Variants in GOLM1 observed in about 807,000 individuals in gnomAD.
GOLM1 encodes the protein epididymis luminal protein 46.
A neutral mutation model predicts 50.5 loss-of-function variants in GOLM1; 31 were observed. The observed-to-expected ratio is 0.61, with a 90% CI of 0.46 to 0.83. The LOEUF is 0.83. GOLM1 is among the 40% of genes least tolerant of loss of function. The pLI is 0.00. For missense variants in GOLM1, 491 were observed against 501.3 expected (o/e 0.98, Z 0.20); for synonymous variants, 178 against 192.8 (o/e 0.92, Z 0.64).
At chr9:86,055,848 C>T (rs1833968565) in intron 3 of GOLM1, among the ~76,000 whole-genome samples, 2 of 152,118 alleles carry the variant, frequency 1.3e-5, no homozygotes, top group Admixed American at 1.3e-4. Context: ...GAATTAATTT[C>T]TAGAGATCTG....
At chr9:86,050,618 C>T (rs1359240080) in intron 4 of GOLM1, among the ~76,000 whole-genome samples, 1 of 151,998 alleles carries the variant, frequency 6.6e-6, no homozygotes, top group Non-Finnish European at 1.5e-5. Flanking sequence ...GGAATTTATC[C>T]CATTTCTTCT....
intron 3 of GOLM1, among the ~76,000 whole-genome samples, chr9:86,054,557 T>C (rs1833931320): frequency 1.3e-5 from 2 of 152,176 alleles, no homozygotes; most frequent in South Asian, 4.1e-4. Flanking sequence ...TGTGAGGTAG[T>C]AGTGTATTAT....
rs1266071496 is a variant in GOLM1, at chr9:86,027,220, TCACA to T, written c.*593_*596del. 6 of 985,340 alleles carry T rather than the reference TCACA, an allele frequency of 6.1e-6. No homozygotes were observed. Among genetic ancestry groups the T allele is most frequent in the South Asian group, 9.4e-5 (2 of 21,296 alleles). The allele number at this position is 985,340 out of a possible 1,614,324, so 61.0% of individuals were successfully genotyped here. On this transcript the variant is annotated 3_prime_UTR_variant, in exon 10 of 10. Coordinates refer to ENST00000388712, the MANE Select transcript of GOLM1 (RefSeq NM_016548.4). ...ATACAAGTAGCCTTTTAAAAAATTC[TCACA>T]CAGAACAGCTTTGTATTTAGACTTA...
At chr9:86,082,316 G>A (rs565365107) in intron 1 of GOLM1, among the ~76,000 whole-genome samples, 29 of 150,514 alleles carry the variant, frequency 1.9e-4, no homozygotes, top group Non-Finnish European at 2.5e-4. Context: ...ATGAGCCACC[G>A]TGCCCAGCCT....
chr9:86,052,122 C>T (rs1564346327), intron 4 of GOLM1, among the ~76,000 whole-genome samples: 3 of 152,106 alleles, frequency 2.0e-5, no homozygotes, highest in African/African-American at 4.8e-5. Context: ...CCCCAGCTGC[C>T]AAGTTGAGTC....
chr9:86,071,747 T>C (rs529445213), intron 3 of GOLM1, among the ~76,000 whole-genome samples: 1 of 152,358 alleles, frequency 6.6e-6, no homozygotes, highest in South Asian at 2.1e-4. Context: ...CTAATATTTT[T>C]AGTTTTTTAA....
intron 1 of GOLM1, among the ~76,000 whole-genome samples, chr9:86,084,701 C>T (rs1834896976): frequency 6.6e-6 from 1 of 152,076 alleles, no homozygotes; most frequent in Admixed American, 6.5e-5. Context: ...CAGGTCCAAC[C>T]TGTCAAATGC....
At chr9:86,053,796 C>G (rs572336245) in intron 3 of GOLM1, among the ~76,000 whole-genome samples, 1 of 148,318 alleles carries the variant, frequency 6.7e-6, no homozygotes, top group South Asian at 2.1e-4. Context: ...TACCGCTCCA[C>G]ACAACACCAT....
chr9:86,068,254 G>A (rs142505771), intron 3 of GOLM1, among the ~76,000 whole-genome samples: 42 of 152,314 alleles, frequency 2.8e-4, no homozygotes, highest in East Asian at 1.5e-3. Context: ...CCAGAGAGGC[G>A]AGGTAGTGTC....
chr9:86,051,000 T>G (rs980097976), intron 4 of GOLM1, among the ~76,000 whole-genome samples: 7 of 152,354 alleles, frequency 4.6e-5, no homozygotes, highest in African/African-American at 1.2e-4. Context: ...TGTGGGCATT[T>G]AGTGCTATAA....
chr9:86,035,693 A>G (rs1473558100), intron 7 of GOLM1, 68 bp from the exon 8 acceptor site: 2 of 1,138,558 alleles, frequency 1.8e-6, no homozygotes, highest in African/African-American at 1.6e-5. Context: ...AAAAAAAAAA[A>G]GCAAAACCTG....
At chr9:86,100,058 T>A (rs1475434064), upstream of GOLM1, 1 of 152,272 alleles carries the variant, frequency 6.6e-6, no homozygotes, top group Non-Finnish European at 1.5e-5. Flanking sequence ...AGGCATTCCC[T>A]GTTGACCATC....
intron 3 of GOLM1, among the ~76,000 whole-genome samples, chr9:86,067,330 AT>A (rs1834335700): frequency 6.6e-6 from 1 of 152,240 alleles, no homozygotes; most frequent in Non-Finnish European, 1.5e-5. Context: ...GTGAATCTCC[AT>A]TGGCTTCTAC....
intron 3 of GOLM1, among the ~76,000 whole-genome samples, chr9:86,066,789 T>C (rs993590435): frequency 1.3e-5 from 2 of 152,050 alleles, no homozygotes; most frequent in African/African-American, 4.8e-5. Flanking sequence ...TAGTAAGTAA[T>C]TCAGGGTCTC....
At chr9:86,038,220 T>C (rs947881268) in intron 6 of GOLM1, among the ~76,000 whole-genome samples, 6 of 151,182 alleles carry the variant, frequency 4.0e-5, no homozygotes, top group Admixed American at 1.3e-4. Flanking sequence ...CCCATACTTA[T>C]GAGTTTTACC....
At chr9:86,070,887 T>C (rs1309172363) in intron 3 of GOLM1, among the ~76,000 whole-genome samples, 3 of 152,102 alleles carry the variant, frequency 2.0e-5, no homozygotes, top group Admixed American at 6.5e-5. Flanking sequence ...GGCCAGGAAG[T>C]TGTACAAAGT....
chr9:86,026,906 T>C lies in GOLM1; in HGVS notation c.*911A>G. 4 of 984,754 alleles carry C rather than the reference T, an allele frequency of 4.1e-6. No individual in the cohort carries two copies. Among genetic ancestry groups the C allele is most frequent in the Non-Finnish European group, 4.8e-6 (4 of 829,344 alleles). The allele number at this position is 984,754 out of a possible 1,614,324, so 61.0% of individuals were successfully genotyped here. On this transcript the variant is annotated 3_prime_UTR_variant, in exon 10 of 10. Coordinates refer to ENST00000388712, the MANE Select transcript of GOLM1 (RefSeq NM_016548.4). Reference sequence around the variant, plus strand: ...CTAACACTGTATATATCCTTCGACATCAATGAACTTTGTTTTCTTTTACTC... The same window carrying C: ...CTAACACTGTATATATCCTTCGACACCAATGAACTTTGTTTTCTTTTACTC...
chr9:86,070,702 T>TAC (rs749858930), intron 3 of GOLM1, among the ~76,000 whole-genome samples: 1 of 152,296 alleles, frequency 6.6e-6, no homozygotes, highest in South Asian at 2.1e-4. Flanking sequence ...TAAGTACTGG[T>TAC]ACATGGACTG....
At chr9:86,092,860 A>G (rs907822196) in intron 1 of GOLM1, among the ~76,000 whole-genome samples, 1 of 152,170 alleles carries the variant, frequency 6.6e-6, no homozygotes, top group African/African-American at 2.4e-5. Context: ...CCCACCTTAG[A>G]ATTTATTTGG....
Sources: gnomAD v4.1 joint callset for allele counts (sites outside exome capture counted in the v4.1 genomes callset) on GRCh38, gnomAD v4.1.1 for gene constraint, MANE v1.5 for transcripts, NCBI Gene and HGNC (gene_info 2026-07-23, HGNC 2026-07-21) for gene names.